The following TFAP2A variants were observed in gnomAD, a reference collection of about 807,000 sequenced individuals.
The protein encoded by TFAP2A is transcription factor AP-2 alpha, also known as transcription factor AP-2-alpha.
A neutral mutation model predicts 41.5 loss-of-function variants in TFAP2A; 7 were observed. The observed-to-expected ratio is 0.17, with a 90% CI of 0.10 to 0.32. The LOEUF (loss-of-function observed/expected upper bound fraction) is 0.32, where lower values mean the gene tolerates loss of function less well. Among genes scored for constraint, TFAP2A ranks in the 10% least tolerant of loss-of-function variants. The pLI, the probability that TFAP2A is intolerant of heterozygous loss-of-function variation, is 1.00. For missense variants in TFAP2A, 416 were observed against 563.3 expected, an observed-to-expected ratio of 0.74 and a Z score of 2.65; for synonymous variants, 247 against 242.8, an observed-to-expected ratio of 1.02 and a Z score of -0.16.
Position 10,410,254 on chromosome 6 carries a change from G to A in TFAP2A, c.133C>T (p.Pro45Ser). 6.2e-7 allele frequency: 1 copy of A among 1,612,982 alleles called. No homozygotes were observed. The highest frequency in any genetic ancestry group is 8.5e-7 in the Non-Finnish European group (1 of 1,179,622). Reference protein sequence around the residue: ...TVGQSPYTSAPPLSHTPNADF... With the variant: ...TVGQSPYTSASPLSHTPNADF... ...GCATTGGGGGTGTGGGACAGCGGCGGGGCGCTCGTGTAGGGAGATTGACCT... is the reference window on the plus strand; with the variant it reads ...GCATTGGGGGTGTGGGACAGCGGCGAGGCGCTCGTGTAGGGAGATTGACCT... Residue 45 changes from proline (P) to serine (S), a missense_variant, in exon 2 of 7, where the codon CCG becomes TCG. Physicochemically the swap from Pro to Ser is moderately conservative, Grantham distance 74 (BLOSUM62 -1). This residue lies in a region of TFAP2A where 241 missense variants were observed against 274.1 expected (regional missense o/e 0.88). Transcript: ENST00000379613.
upstream of TFAP2A, chr6:10,419,446 G>A: frequency 1.9e-6 from 3 of 1,614,160 alleles, no homozygotes; most frequent in Non-Finnish European, 2.5e-6. Context: ...GGCAAGTATG[G>A]ACATCGCGGC....
At chr6:10,417,718 A>G (rs1395512670), upstream of TFAP2A, among the ~76,000 whole-genome samples, 2 of 152,154 alleles carry the variant, frequency 1.3e-5, no homozygotes, top group Non-Finnish European at 2.9e-5. Context: ...GGGAGCCGGG[A>G]GCCCAACAGG....
intron 5 of TFAP2A, chr6:10,400,824 C>G: frequency 1.5e-6 from 1 of 679,152 alleles, no homozygotes; most frequent in South Asian, 1.5e-5. Flanking sequence ...AAATGAAAAT[C>G]TCATCCACCA....
In TFAP2A at chr6:10,401,082, T is replaced by C. The variant is rs562152136; in HGVS notation, c.890-493A>G. ...CCACTGAGTCTGTCTGTGTTGTTGA[T>C]TTTCGAATCTTTGGTTTTAATTTCC... On this transcript the variant is annotated intron_variant, in intron 5 of 6. Coordinates refer to ENST00000379613, the MANE Select transcript of TFAP2A (RefSeq NM_001372066.1). 2.6e-5 allele frequency among the ~76,000 whole-genome samples: 4 copies of C among 152,312 alleles called. No individual in the cohort carries two copies. In the South Asian group the frequency reaches 8.3e-4, roughly 32 times the overall value.
rs375405469 is a variant in TFAP2A at position 10,400,856 on chromosome 6, C to T, written c.890-267G>A. ...ACCAACCTCCAGTCCCATCCCCCAC[C>T]CTAAATGACACTTCTCCAAATTCTC... On this transcript the variant is annotated intron_variant, in intron 5 of 6. Coordinates refer to ENST00000379613, the MANE Select transcript of TFAP2A (RefSeq NM_001372066.1). The T allele has an allele frequency of 8.1e-5, 52 of 644,010 alleles. No homozygotes were observed. In the African/African-American group the frequency reaches 8.4e-4, roughly 10 times the overall value. The allele number at this position is 644,010 out of a possible 1,614,324, so 39.9% of individuals were successfully genotyped here. A position where few individuals can be genotyped will look rare whatever the true frequency, so the allele number is the denominator to read the frequency against.
chr6:10,416,536 T>C (rs944106376), upstream of TFAP2A: 2 of 152,234 alleles, frequency 1.3e-5, no homozygotes, highest in Non-Finnish European at 2.9e-5. Context: ...TACCTCTGTC[T>C]TTTCTCTCTG....
At chr6:10,399,497 A>G (rs939934524) in intron 6 of TFAP2A, among the ~76,000 whole-genome samples, 14 of 152,222 alleles carry the variant, frequency 9.2e-5, no homozygotes. Flanking sequence ...GCCTGCACTC[A>G]GGAAGCTCTG....
At chr6:10,408,377 C>T (rs772618783) in intron 2 of TFAP2A, among the ~76,000 whole-genome samples, 2 of 152,132 alleles carry the variant, frequency 1.3e-5, no homozygotes, top group Non-Finnish European at 2.9e-5. Context: ...TAAGAATTCA[C>T]CTTGAAATTT....
In TFAP2A at chr6:10,415,008, A is replaced by G. The variant is rs1330799905; in HGVS notation, c.-17T>C. 6 of 1,613,848 alleles carry G rather than the reference A, an allele frequency of 3.7e-6. No homozygotes were observed. The African/African-American group carries it at 8.0e-5, about 22-fold the overall frequency. On this transcript the variant is annotated 5_prime_UTR_variant, in exon 1 of 7. Transcript: ENST00000379613. ...CATTTTCATGGATCGGCGTGAACGG[A>G]TATGCCCCTCTCGGTCTCGCACCCA...
upstream of TFAP2A, chr6:10,416,532 T>G (rs1189278926): frequency 6.6e-6 from 1 of 152,230 alleles, no homozygotes; most frequent in Non-Finnish European, 1.5e-5. Flanking sequence ...AAGTTACCTC[T>G]GTCTTTTCTC....
At chr6:10,412,032 T>C (rs991494022) in intron 1 of TFAP2A, 13 of 1,050,064 alleles carry the variant, frequency 1.2e-5, no homozygotes, top group Non-Finnish European at 1.5e-5. Flanking sequence ...ATAGCAGATA[T>C]TCATGACTAT....
chr6:10,411,750 C>A, intron 1 of TFAP2A: 1 of 1,491,156 alleles, frequency 6.7e-7, no homozygotes, highest in Non-Finnish European at 8.9e-7. Flanking sequence ...CTCCCCGGAG[C>A]GCGGGAGCCC....
chr6:10,415,337 T>C, upstream of TFAP2A: 1 of 1,212,964 alleles, frequency 8.2e-7, no homozygotes, highest in Non-Finnish European at 1.1e-6. Flanking sequence ...AATAGTCCAA[T>C]TGCTCGCCAG....
chr6:10,415,328 A>C, upstream of TFAP2A: 1 of 1,268,040 alleles, frequency 7.9e-7, no homozygotes, highest in Non-Finnish European at 1.0e-6. Flanking sequence ...CATATCAACA[A>C]TAGTCCAATT....
At chr6:10,404,849 A>T in intron 3 of TFAP2A, 110 bp from the exon 4 acceptor site, 1 of 949,420 alleles carries the variant, frequency 1.1e-6, no homozygotes, top group Non-Finnish European at 1.6e-6. Context: ...TTTGGGCCAC[A>T]GTCCCCGCTT....
chr6:10,402,244 T>C, intron 5 of TFAP2A: 1 of 585,084 alleles, frequency 1.7e-6, no homozygotes, highest in South Asian at 1.5e-5. Context: ...TTGTGCGTTG[T>C]TTAGCTCAGA....
At chr6:10,414,776 G>C in intron 1 of TFAP2A, 165 bp downstream of exon 1, 1 of 921,766 alleles carries the variant, frequency 1.1e-6, no homozygotes, top group East Asian at 2.6e-5. Flanking sequence ...TCTCTCTGCA[G>C]CTTCTCCCCC....
intron 1 of TFAP2A, chr6:10,411,429 G>C (rs957810563): frequency 1.4e-6 from 2 of 1,393,522 alleles, no homozygotes; most frequent in Non-Finnish European, 2.0e-6. Context: ...AAGGCGGAAG[G>C]TGGGGTGGGG....
At position 10,398,144 on chromosome 6, in the gene TFAP2A, T is replaced by C. The variant is rs1761852095; in HGVS notation, c.*273A>G. Reference sequence around the variant, plus strand: ...TCTCTGCTGGCTTCACGGCCTGTTCTGTTCTCTTAGGCTCCACATGAGGGC... The same window carrying C: ...TCTCTGCTGGCTTCACGGCCTGTTCCGTTCTCTTAGGCTCCACATGAGGGC... On this transcript the variant is annotated 3_prime_UTR_variant, in exon 7 of 7. Coordinates refer to ENST00000379613, the MANE Select transcript of TFAP2A (RefSeq NM_001372066.1). This position sits in a 1 kb window ranked among gnomAD's most constrained non-coding sequence, Gnocchi z 5.3. 1 of 1,406,034 alleles carries C rather than the reference T, an allele frequency of 7.1e-7. No individual in the cohort carries two copies. Among genetic ancestry groups the C allele is most frequent in the Non-Finnish European group, 9.2e-7 (1 of 1,081,180 alleles). 87.1% of individuals were successfully genotyped at this position (1,406,034 alleles called of 1,614,324 possible).
Sources: gnomAD v4.1 joint callset for allele counts (sites outside exome capture counted in the v4.1 genomes callset) on GRCh38, gnomAD v4.1.1 for gene constraint, gnomAD v4.1.1 regional missense constraint, Gnocchi (gnomAD v3.1) non-coding constraint, MANE v1.5 for transcripts, NCBI Gene and HGNC (gene_info 2026-07-23, HGNC 2026-07-21) for gene names.